Variants in PLCE1 observed in about 807,000 individuals in gnomAD.
The protein encoded by PLCE1 is phospholipase C epsilon 1.
A neutral mutation model predicts 242.8 loss-of-function variants in PLCE1; 119 were observed. The observed-to-expected ratio is 0.49, with a 90% CI of 0.42 to 0.57. PLCE1 has a LOEUF of 0.57. PLCE1 is among the 20% of genes least tolerant of loss of function. The pLI is 0.00. For missense variants in PLCE1, 2,441 were observed against 2,788.8 expected (o/e 0.88, Z 2.81); for synonymous variants, 945 against 1,017.4 (o/e 0.93, Z 1.35).
intron 1 of PLCE1, among the ~76,000 whole-genome samples, chr10:94,016,852 G>T (rs772447019): frequency 2.6e-5 from 4 of 151,826 alleles, no homozygotes; most frequent in African/African-American, 4.8e-5. Context: ...AGTATGGTAC[G>T]GCACTTTGGC....
rs772142458 is a variant in PLCE1, at chr10:94,246,340, TTTGCAGTGAAGGCTG to T, written c.2817_2831del (p.Phe939_Val944delinsLeu). On this transcript the variant is annotated inframe_deletion, in exon 8 of 33. Coordinates refer to ENST00000371380, the MANE Select transcript of PLCE1 (RefSeq NM_016341.4). ...CCTGACGGAAGGGGTCTTGGATCTT[TTTGCAGTGAAGGCTG>T]TATACATGGGCCACCCTGGCATTGA... The T allele has an allele frequency of 6.2e-7, 1 of 1,614,162 alleles. No homozygotes were observed. Among genetic ancestry groups the T allele is most frequent in the Admixed American group, 1.7e-5 (1 of 60,018 alleles).
chr10:94,279,821 G>T lies in PLCE1; in HGVS notation c.4705G>T (p.Gly1569Cys), dbSNP rs1348871494. 6.2e-7 allele frequency: 1 copy of T among 1,613,648 alleles called. No individual in the cohort carries two copies. Among genetic ancestry groups the T allele is most frequent in the East Asian group, 2.2e-5 (1 of 44,866 alleles). ...LASMQVQAYNGGNANPRPANN... is the reference protein window; with the variant it reads ...LASMQVQAYNCGNANPRPANN... ...ATCTATGCAAGTGCAGGCTTATAAT[G>T]GTGGGAATGCCAACCCCCGACCTGC... Residue 1569 changes from glycine (G) to cysteine (C), a missense_variant, in exon 20 of 33, where the codon GGT becomes TGT. Physicochemically the swap from Gly to Cys is radical, Grantham distance 159 (BLOSUM62 -3). Transcript: ENST00000371380.
At chr10:94,285,313 A>T (rs1294860572) in intron 22 of PLCE1, among the ~76,000 whole-genome samples, 3 of 152,186 alleles carry the variant, frequency 2.0e-5, no homozygotes, top group Non-Finnish European at 4.4e-5. Context: ...TAATGATTCT[A>T]CAAGGTAGGC....
chr10:94,003,700 AG>A (rs1482466680), intron 1 of PLCE1, among the ~76,000 whole-genome samples: 1 of 152,204 alleles, frequency 6.6e-6, no homozygotes, highest in Admixed American at 6.5e-5. Context: ...GTAAGGAGCT[AG>A]GGACACTGTT....
intron 22 of PLCE1, among the ~76,000 whole-genome samples, chr10:94,291,426 G>T (rs2052642140): frequency 6.6e-6 from 1 of 152,186 alleles, no homozygotes. Context: ...AAACACAGAT[G>T]AGAGGAAGAC....
At chr10:94,055,410 G>C (rs959939255) in intron 2 of PLCE1, among the ~76,000 whole-genome samples, 39 of 151,612 alleles carry the variant, frequency 2.6e-4, no homozygotes, top group African/African-American at 9.2e-4. Flanking sequence ...CCACCCCCCG[G>C]GTTCAAGTGA....
intron 4 of PLCE1, among the ~76,000 whole-genome samples, chr10:94,194,686 C>A (rs937473957): frequency 1.3e-5 from 2 of 152,210 alleles, no homozygotes; most frequent in African/African-American, 4.8e-5. Context: ...ATTCTTCAGT[C>A]TCTTCATCTG....
At chr10:94,136,145 A>C (rs1261810700) in intron 3 of PLCE1, among the ~76,000 whole-genome samples, 1 of 152,214 alleles carries the variant, frequency 6.6e-6, no homozygotes, top group Non-Finnish European at 1.5e-5. Context: ...GGGAAAAACA[A>C]ATGCTGTATG....
rs2061427246 is a variant in PLCE1 at position 94,024,664 on chromosome 10, A to T, written c.-364-6019A>T. Among the ~76,000 whole-genome samples, 9 of 152,172 alleles carry T rather than the reference A, an allele frequency of 5.9e-5. No homozygotes were observed. The South Asian group carries it at 1.9e-3, about 32-fold the overall frequency. ...GTTAACTGATAAATTAGTTTTTGTT[A>T]TTGTTGTTAAGTCACACCTCCTTTA... is the stretch of plus-strand genomic sequence containing the variant. On this transcript the variant is annotated intron_variant, in intron 1 of 32. Coordinates refer to ENST00000371380, the MANE Select transcript of PLCE1 (RefSeq NM_016341.4).
At chr10:94,163,199 C>A (rs187320786) in intron 3 of PLCE1, among the ~76,000 whole-genome samples, 2 of 152,136 alleles carry the variant, frequency 1.3e-5, no homozygotes, top group African/African-American at 4.8e-5. Flanking sequence ...GAGTTCAGTT[C>A]CTGGATATCC....
Position 94,124,395 on chromosome 10 carries a change from AAAAG to A in PLCE1, c.1207-7763_1207-7760del, listed in dbSNP as rs1323256949. On this transcript the variant is annotated intron_variant, in intron 2 of 32. Coordinates refer to ENST00000371380, the MANE Select transcript of PLCE1 (RefSeq NM_016341.4). ...CTTGTCTCAGAGAAAAAAAAAAAAAAAAAGAAAGAAAGAAAGAAAAAGAAAGCAA... is the reference window on the plus strand; with the variant it reads ...CTTGTCTCAGAGAAAAAAAAAAAAAAAAAGAAAGAAAGAAAAAGAAAGCAA... 4.4e-3 allele frequency among the ~76,000 whole-genome samples: 661 copies of A among 151,480 alleles called. 2 individuals are homozygous for A. Among genetic ancestry groups the A allele is most frequent in the Middle Eastern group, 0.014 (4 of 290 alleles).
At chr10:94,163,723 C>T (rs1016032395) in intron 3 of PLCE1, among the ~76,000 whole-genome samples, 2 of 152,124 alleles carry the variant, frequency 1.3e-5, no homozygotes, top group Admixed American at 6.5e-5. Context: ...TTATTTTGCT[C>T]GTTACTTGAT....
chr10:94,103,472 AG>A (rs2045613986), intron 2 of PLCE1, among the ~76,000 whole-genome samples: 1 of 152,220 alleles, frequency 6.6e-6, no homozygotes, highest in South Asian at 2.1e-4. Context: ...CCAGAAAAAA[AG>A]CACGCAAAAG....
At chr10:94,188,517 G>A (rs939328064) in intron 4 of PLCE1, among the ~76,000 whole-genome samples, 34 of 152,116 alleles carry the variant, frequency 2.2e-4, no homozygotes, top group African/African-American at 6.5e-4. Flanking sequence ...CTGACTCCAC[G>A]TCCTGGGCTC....
chr10:94,220,381 TATATATATATATATA>T lies in PLCE1; in HGVS notation c.1810-6924_1810-6910del, dbSNP rs1465813962. On this transcript the variant is annotated intron_variant, in intron 4 of 32. Coordinates refer to ENST00000371380, the MANE Select transcript of PLCE1 (RefSeq NM_016341.4). ...AAGCTTAAAAACTAAACATTTTATA[TATATATATATATATA>T]TATATATATATATATATATATATGA... Among the ~76,000 whole-genome samples the T allele has an allele frequency of 6.9e-3, 239 of 34,848 alleles. 5 individuals are homozygous for T. Among genetic ancestry groups the T allele is most frequent in the African/African-American group, 0.022 (225 of 10,418 alleles). The allele number at this position is 34,848 out of a possible 152,430, so 22.9% of individuals were successfully genotyped here. A position where few individuals can be genotyped will look rare whatever the true frequency, so the allele number is the denominator to read the frequency against.
chr10:94,084,008 G>C (rs761839848), intron 2 of PLCE1, among the ~76,000 whole-genome samples: 28 of 152,152 alleles, frequency 1.8e-4, no homozygotes, highest in Non-Finnish European at 3.5e-4. Flanking sequence ...GATTAAAGGA[G>C]GCTATCACAT....
At chr10:94,179,530 T>TTTTGTTTTTTTTTTTTTTTTTTGA (rs10636243) in intron 4 of PLCE1, among the ~76,000 whole-genome samples, 1 of 118,826 alleles carries the variant, frequency 8.4e-6, no homozygotes, top group Non-Finnish European at 1.7e-5. Flanking sequence ...TTTTTTTTTT[T>TTTTGTTTTTTTTTTTTTTTTTTGA]GACAGGGTCT....
At chr10:94,029,686 G>A (rs1376357830) in intron 1 of PLCE1, among the ~76,000 whole-genome samples, 1 of 152,070 alleles carries the variant, frequency 6.6e-6, no homozygotes, top group Admixed American at 6.6e-5. Flanking sequence ...TTGTGCTTGA[G>A]GGAACACATA....
chr10:93,996,816 A>C (rs2060833591), intron 1 of PLCE1, among the ~76,000 whole-genome samples: 1 of 152,224 alleles, frequency 6.6e-6, no homozygotes, highest in Non-Finnish European at 1.5e-5. Context: ...AAATGAAATT[A>C]ACCACCCATA....
Sources: gnomAD v4.1 joint callset for allele counts (sites outside exome capture counted in the v4.1 genomes callset) on GRCh38, gnomAD v4.1.1 for gene constraint, MANE v1.5 for transcripts, NCBI Gene and HGNC (gene_info 2026-07-23, HGNC 2026-07-21) for gene names.